The following COX18 variants were observed in gnomAD, a reference collection of about 807,000 sequenced individuals.
The protein encoded by COX18 is cytochrome c oxidase assembly protein COX18, mitochondrial.
Under a neutral mutation model 38.0 loss-of-function variants are expected in COX18, and 45 were observed. The observed-to-expected ratio is 1.18, with a 90% CI of 0.93 to 1.52. The LOEUF (loss-of-function observed/expected upper bound fraction) is 1.52. Ranked by LOEUF, COX18 falls within the 40% of genes most tolerant of loss-of-function variation. The pLI is 0.00. For synonymous variants in COX18, 177 were observed against 169.8 expected (o/e 1.04, Z -0.33); for missense variants, 462 against 423.8 (o/e 1.09, Z -0.79).
In COX18 at chr4:73,054,204, G is replaced by A. The variant is rs991511040; in HGVS notation, c.*3910C>T. 2 of 152,314 alleles carry A rather than the reference G, an allele frequency of 1.3e-5. No homozygotes were observed. Among genetic ancestry groups the A allele is most frequent in the African/African-American group, 4.8e-5 (2 of 41,464 alleles). The allele number at this position is 152,314 out of a possible 1,614,324, so 9.4% of individuals were successfully genotyped here. A position where few individuals can be genotyped will look rare whatever the true frequency, so the allele number is the denominator to read the frequency against. ...CAACTGAGGGGATATAGGCAAGCCA[G>A]ACAGCAAGACATCAAGGGGTCTTAA... On this transcript the variant is annotated 3_prime_UTR_variant, in exon 6 of 6. Transcript: ENST00000507544.
rs768960025 is a variant in COX18 at position 73,069,694 on chromosome 4, C to G, written c.-45G>C. The G allele has an allele frequency of 1.1e-4, 170 of 1,516,708 alleles. No homozygotes were observed. The highest frequency in any genetic ancestry group is 1.5e-4 in the Non-Finnish European group (165 of 1,129,972). The allele number at this position is 1,516,708 out of a possible 1,614,324, so 94.0% of individuals were successfully genotyped here. ...CCAGATCCCGGGCCTCACAATCCAGCGGACATACACCGGCCAGCCAAGGCT... is the reference window on the plus strand; with the variant it reads ...CCAGATCCCGGGCCTCACAATCCAGGGGACATACACCGGCCAGCCAAGGCT... On this transcript the variant is annotated 5_prime_UTR_variant, in exon 1 of 6. Transcript: ENST00000507544.
intron 4 of COX18, among the ~76,000 whole-genome samples, chr4:73,063,833 A>G (rs1720298667): frequency 6.6e-6 from 1 of 152,238 alleles, no homozygotes; most frequent in South Asian, 2.1e-4. Flanking sequence ...AACAGGCATC[A>G]GAGGTCATGA....
At chr4:73,064,516 A>G (rs753426542) in intron 4 of COX18, among the ~76,000 whole-genome samples, 21 of 152,228 alleles carry the variant, frequency 1.4e-4, no homozygotes, top group Non-Finnish European at 3.1e-4. Flanking sequence ...ACAAAATTCT[A>G]TGTATCAGAA....
In COX18 at chr4:73,054,501, A is replaced by AC. The variant is rs1012892717; in HGVS notation, c.*3612dup. 3 of 152,222 alleles carry AC rather than the reference A, an allele frequency of 2.0e-5. No individual in the cohort carries two copies. The highest frequency in any genetic ancestry group is 6.5e-5 in the Admixed American group (1 of 15,286). 9.4% of individuals were successfully genotyped at this position (152,222 alleles called of 1,614,324 possible). A position where few individuals can be genotyped will look rare whatever the true frequency, so the allele number is the denominator to read the frequency against. On this transcript the variant is annotated 3_prime_UTR_variant, in exon 6 of 6. Transcript: ENST00000507544. ...ATGGGTTTATCCCAAGATCCCAGCAACCCCCACTTGTGAGAAATTATTTTG... is the reference window on the plus strand; with the variant it reads ...ATGGGTTTATCCCAAGATCCCAGCAACCCCCCACTTGTGAGAAATTATTTTG...
At position 73,056,687 on chromosome 4, in the gene COX18, A is replaced by T. The variant is rs553784678; in HGVS notation, c.*1427T>A. 1.2e-4 allele frequency: 18 copies of T among 152,248 alleles called. No individual in the cohort carries two copies. Among genetic ancestry groups the T allele is most frequent in the African/African-American group, 3.6e-4 (15 of 41,536 alleles). The allele number at this position is 152,248 out of a possible 1,614,324, so 9.4% of individuals were successfully genotyped here. A position where few individuals can be genotyped will look rare whatever the true frequency, so the allele number is the denominator to read the frequency against. On this transcript the variant is annotated 3_prime_UTR_variant, in exon 6 of 6. Coordinates refer to ENST00000507544, the MANE Select transcript of COX18 (RefSeq NM_001297732.2). ...ATTAGAATAAGATTTATTAACTAGG[A>T]ATTGCCAGAAAATCTTCCTGGTAAC... is the stretch of plus-strand genomic sequence containing the variant.
At chr4:73,067,951 T>C (rs1720546970) in intron 2 of COX18, 78 bp downstream of exon 2, 1 of 670,792 alleles carries the variant, frequency 1.5e-6, no homozygotes, top group Non-Finnish European at 2.2e-6. Flanking sequence ...TCACAATTTA[T>C]GTATGTGTGT....
intron 1 of COX18, chr4:73,068,781 G>A (rs965298340): frequency 6.5e-6 from 1 of 153,188 alleles, no homozygotes; most frequent in Non-Finnish European, 1.5e-5. Flanking sequence ...CTGCTAGCCT[G>A]ATTCCTCAGA....
intron 5 of COX18, among the ~76,000 whole-genome samples, chr4:73,059,577 C>T (rs1404707534): frequency 6.6e-6 from 1 of 152,160 alleles, no homozygotes; most frequent in Non-Finnish European, 1.5e-5. Flanking sequence ...TGTGTTAAGA[C>T]TCTATCACTT....
At chr4:73,064,688 A>T in intron 4 of COX18, 90 bp downstream of exon 4, 1 of 1,460,878 alleles carries the variant, frequency 6.8e-7, no homozygotes, top group African/African-American at 1.4e-5. Context: ...AGCTATCTTC[A>T]CCAACTCAAA....
intron 2 of COX18, 135 bp from the exon 3 acceptor site, chr4:73,065,548 G>C (rs890198029): frequency 1.5e-6 from 1 of 670,142 alleles, no homozygotes. Flanking sequence ...GCTGTCACAG[G>C]CATGTTAAGG....
intron 5 of COX18, among the ~76,000 whole-genome samples, chr4:73,061,608 T>C (rs1720158408): frequency 6.7e-6 from 1 of 150,020 alleles, no homozygotes; most frequent in Non-Finnish European, 1.5e-5. Context: ...CTCAGGACGC[T>C]GAGGCCGGAG....
chr4:73,065,824 T>C (rs1720421524), intron 2 of COX18, among the ~76,000 whole-genome samples: 1 of 152,238 alleles, frequency 6.6e-6, no homozygotes, highest in South Asian at 2.1e-4. Context: ...CTTTTGGAGC[T>C]ATGTGGTTTT....
At position 73,056,505 on chromosome 4, in the gene COX18, A is replaced by T. The variant is rs2110042497; in HGVS notation, c.*1609T>A. On this transcript the variant is annotated 3_prime_UTR_variant, in exon 6 of 6. Coordinates refer to ENST00000507544, the MANE Select transcript of COX18 (RefSeq NM_001297732.2). The stretch of plus-strand genomic sequence containing the variant: ...AGACTTCTTAAATTATAGAAAAAGG[A>T]ATGTACACTTTTTGTATTCTTTCTG... The T allele has an allele frequency of 6.6e-6, 1 of 152,340 alleles. No individual in the cohort carries two copies. Among genetic ancestry groups the T allele is most frequent in the South Asian group, 2.1e-4 (1 of 4,824 alleles). 9.4% of individuals were successfully genotyped at this position (152,340 alleles called of 1,614,324 possible).
intron 5 of COX18, among the ~76,000 whole-genome samples, chr4:73,060,829 G>C (rs1200131026): frequency 6.8e-6 from 1 of 148,046 alleles, no homozygotes; most frequent in African/African-American, 2.5e-5. Flanking sequence ...GCAGTGAGCT[G>C]AGATTGCGCC....
rs993001029 is a variant in COX18, at chr4:73,052,406, T to C, written c.*5708A>G. 1 of 152,052 alleles carries C rather than the reference T, an allele frequency of 6.6e-6. No homozygotes were observed. The highest frequency in any genetic ancestry group is 2.4e-5 in the African/African-American group (1 of 41,430). 9.4% of individuals were successfully genotyped at this position (152,052 alleles called of 1,614,324 possible). A position where few individuals can be genotyped will look rare whatever the true frequency, so the allele number is the denominator to read the frequency against. The stretch of plus-strand genomic sequence containing the variant: ...TTTATTTTTATATAAATTTATATTC[T>C]TATTTTAGTTGTATACACAGTACAG... On this transcript the variant is annotated 3_prime_UTR_variant, in exon 6 of 6. Transcript: ENST00000507544.
rs557384818 is a variant in COX18 at position 73,068,013 on chromosome 4, G to T, written c.434+16C>A. 23 of 1,518,334 alleles carry T rather than the reference G, an allele frequency of 1.5e-5. No homozygotes were observed. In the South Asian group the frequency reaches 2.6e-4, roughly 17 times the overall value. 94.1% of individuals were successfully genotyped at this position (1,518,334 alleles called of 1,614,324 possible). Reference sequence around the variant, plus strand: ...GTATGTGTGCGTATGGTCTTACGTGGATATAATTAGCTTACCTGGCATCTC... The same window carrying T: ...GTATGTGTGCGTATGGTCTTACGTGTATATAATTAGCTTACCTGGCATCTC... On this transcript the variant is annotated intron_variant, in intron 2 of 5. Transcript: ENST00000507544.
intron 4 of COX18, among the ~76,000 whole-genome samples, chr4:73,062,695 C>T (rs988781123): frequency 8.6e-5 from 13 of 151,830 alleles, no homozygotes; most frequent in Admixed American, 6.6e-4. Context: ...ATTAGCTGGG[C>T]GTGGTGGCAT....
At chr4:73,066,152 A>G (rs763168051) in intron 2 of COX18, among the ~76,000 whole-genome samples, 4 of 152,232 alleles carry the variant, frequency 2.6e-5, no homozygotes, top group Non-Finnish European at 4.4e-5. Context: ...ATAAGACAGT[A>G]CACAAAGACA....
chr4:73,067,864 A>AAAAATAT, intron 2 of COX18, among the ~76,000 whole-genome samples, 165 bp downstream of exon 2: 3 of 20,024 alleles, frequency 1.5e-4, no homozygotes, highest in African/African-American at 2.7e-4. Context: ...AAAAAAAAAA[A>AAAAATAT]ATATATATAT....
Sources: gnomAD v4.1 joint callset for allele counts (sites outside exome capture counted in the v4.1 genomes callset) on GRCh38, gnomAD v4.1.1 for gene constraint, MANE v1.5 for transcripts, NCBI Gene and HGNC (gene_info 2026-07-23, HGNC 2026-07-21) for gene names.